Variants in CSMD3 observed in about 807,000 individuals in gnomAD.
CSMD3 encodes the protein CUB and Sushi multiple domains 3.
CSMD3 carries 177 observed loss-of-function variants against 435.2 expected under a neutral mutation model. That is an observed-to-expected ratio of 0.41 (90% CI 0.36 to 0.46). The LOEUF is 0.46. Among genes scored for constraint, CSMD3 ranks in the 20% least tolerant of loss-of-function variants. The pLI is 0.34. For missense variants in CSMD3, 4,265 were observed against 4,504.6 expected, an observed-to-expected ratio of 0.95 and a Z score of 1.52; for synonymous variants, 1,656 against 1,520.5, an observed-to-expected ratio of 1.09 and a Z score of -2.07.
chr8:113,086,303 C>A (rs544804869), intron 5 of CSMD3, among the ~76,000 whole-genome samples: 91 of 151,582 alleles, frequency 6.0e-4, no homozygotes, highest in African/African-American at 2.2e-3. Flanking sequence ...GATAACGCCC[C>A]ATCCTGTAAT....
At chr8:112,658,538 T>C (rs1188645709) in intron 17 of CSMD3, among the ~76,000 whole-genome samples, 1 of 152,188 alleles carries the variant, frequency 6.6e-6, no homozygotes, top group Non-Finnish European at 1.5e-5. Flanking sequence ...TTGAAGTGTA[T>C]TTTACTTCTA....
chr8:113,189,636 T>C (rs2092556469), intron 3 of CSMD3, among the ~76,000 whole-genome samples: 1 of 151,906 alleles, frequency 6.6e-6, no homozygotes, highest in African/African-American at 2.4e-5. Context: ...ATGCAAAGTC[T>C]ATAATGGTAT....
At chr8:112,940,419 G>T (rs1336351694) in intron 9 of CSMD3, among the ~76,000 whole-genome samples, 1 of 151,600 alleles carries the variant, frequency 6.6e-6, no homozygotes, top group Admixed American at 6.6e-5. Context: ...AGTCAGAAAA[G>T]GCATCAATTA....
At chr8:112,932,306 G>T (rs547685416) in intron 9 of CSMD3, among the ~76,000 whole-genome samples, 1 of 152,320 alleles carries the variant, frequency 6.6e-6, no homozygotes, top group African/African-American at 2.4e-5. Context: ...CGGAACTTCA[G>T]ATCACATTAT....
chr8:113,424,588 TA>T (rs537811484), intron 1 of CSMD3, among the ~76,000 whole-genome samples: 21 of 145,886 alleles, frequency 1.4e-4, no homozygotes, highest in East Asian at 7.9e-4. Context: ...GAGCAAACAT[TA>T]AAAAAAAAAG....
chr8:113,385,711 C>T (rs2094436481), intron 1 of CSMD3, among the ~76,000 whole-genome samples: 1 of 151,948 alleles, frequency 6.6e-6, no homozygotes, highest in Non-Finnish European at 1.5e-5. Context: ...GGTAAAATCT[C>T]CTAAGGGAAT....
At chr8:113,324,586 A>C (rs1395832132) in intron 1 of CSMD3, among the ~76,000 whole-genome samples, 1 of 152,212 alleles carries the variant, frequency 6.6e-6, no homozygotes, top group Non-Finnish European at 1.5e-5. Context: ...CTGCCCAGCC[A>C]GAAGTTTTCT....
intron 3 of CSMD3, among the ~76,000 whole-genome samples, chr8:113,240,204 T>C (rs2093198439): frequency 6.6e-6 from 1 of 152,200 alleles, no homozygotes; most frequent in Admixed American, 6.5e-5. Flanking sequence ...GTTTTATTGC[T>C]TCATAGTATT....
intron 13 of CSMD3, among the ~76,000 whole-genome samples, chr8:112,760,974 C>A (rs903154865): frequency 6.6e-6 from 1 of 152,070 alleles, no homozygotes; most frequent in Non-Finnish European, 1.5e-5. Flanking sequence ...CTTCAAGAAT[C>A]GTGCCCTCCG....
At chr8:112,642,129 T>C (rs2074847777) in intron 20 of CSMD3, among the ~76,000 whole-genome samples, 1 of 152,196 alleles carries the variant, frequency 6.6e-6, no homozygotes, top group Admixed American at 6.5e-5. Context: ...AAAATAGCGT[T>C]AATATCTAGG....
chr8:113,256,428 T>C (rs1323421365), intron 3 of CSMD3, among the ~76,000 whole-genome samples: 2 of 152,142 alleles, frequency 1.3e-5, no homozygotes, highest in African/African-American at 2.4e-5. Flanking sequence ...CACTGCCAAA[T>C]TAACTAAAGG....
At chr8:112,619,207 G>C (rs1460882741) in intron 22 of CSMD3, among the ~76,000 whole-genome samples, 1 of 151,964 alleles carries the variant, frequency 6.6e-6, no homozygotes, top group African/African-American at 2.4e-5. Flanking sequence ...TACTGGGATG[G>C]AGTTGGGGTA....
At chr8:112,867,377 G>A (rs1340402374) in intron 10 of CSMD3, among the ~76,000 whole-genome samples, 1 of 152,140 alleles carries the variant, frequency 6.6e-6, no homozygotes, top group Non-Finnish European at 1.5e-5. Flanking sequence ...AAAGAACAGA[G>A]TTGGGGGCAT....
chr8:112,841,549 A>ACCC, intron 11 of CSMD3, among the ~76,000 whole-genome samples: 1 of 151,842 alleles, frequency 6.6e-6, no homozygotes, highest in African/African-American at 2.4e-5. Context: ...TGCTAACTAG[A>ACCC]AGCTTCCTGA....
chr8:112,810,748 T>A (rs1372410741), intron 12 of CSMD3, among the ~76,000 whole-genome samples: 3 of 152,108 alleles, frequency 2.0e-5, no homozygotes, highest in Non-Finnish European at 4.4e-5. Context: ...ATAAATGTAA[T>A]ATTACTTACG....
intron 5 of CSMD3, among the ~76,000 whole-genome samples, chr8:113,026,940 G>A (rs954959399): frequency 1.3e-4 from 20 of 152,200 alleles, no homozygotes; most frequent in Non-Finnish European, 2.8e-4. Flanking sequence ...ATTATAAGAA[G>A]CTGAAAAGAT....
intron 22 of CSMD3, among the ~76,000 whole-genome samples, chr8:112,590,543 C>T (rs566430874): frequency 3.3e-5 from 5 of 151,708 alleles, no homozygotes; most frequent in Non-Finnish European, 7.4e-5. Flanking sequence ...GGTAGATCTC[C>T]GAGGATGTTT....
At chr8:112,831,558 T>TG (rs1491540101) in intron 11 of CSMD3, among the ~76,000 whole-genome samples, 3 of 5,256 alleles carry the variant, frequency 5.7e-4, no homozygotes, top group African/African-American at 1.1e-3. Context: ...TGTAAAAGTG[T>TG]TTTTTTTTTT....
chr8:112,369,764 C>A (rs759598719), intron 38 of CSMD3, among the ~76,000 whole-genome samples: 3 of 151,676 alleles, frequency 2.0e-5, no homozygotes, highest in Non-Finnish European at 4.4e-5. Context: ...CTAATGCATG[C>A]GGGGCTTAAA....
Sources: allele counts gnomAD v4.1 joint callset (sites outside exome capture counted in the v4.1 genomes callset), GRCh38; gene constraint gnomAD v4.1.1; transcripts MANE v1.5; gene names NCBI Gene and HGNC (gene_info 2026-07-23, HGNC 2026-07-21).